The following LUZP2 variants were observed in gnomAD, a reference collection of about 807,000 sequenced individuals.
LUZP2 encodes the protein leucine zipper protein 2.
LUZP2 carries 52 observed loss-of-function variants against 51.6 expected under a neutral mutation model. The ratio of observed to expected loss-of-function variants is 1.01; its 90% confidence interval spans 0.81 to 1.27. The LOEUF (loss-of-function observed/expected upper bound fraction) is 1.27, where lower values mean the gene tolerates loss of function less well. LUZP2 is among the 50% of genes most tolerant of loss of function. The pLI, the probability that LUZP2 is intolerant of heterozygous loss-of-function variation, is 0.00. For missense variants in LUZP2, 436 were observed against 395.4 expected (o/e 1.10, Z -0.87); for synonymous variants, 154 against 137.3 (o/e 1.12, Z -0.85).
At chr11:24,588,020 A>C (rs1170391225) in intron 1 of LUZP2, among the ~76,000 whole-genome samples, 1 of 152,144 alleles carries the variant, frequency 6.6e-6, no homozygotes. Flanking sequence ...GAAACACAGA[A>C]AACTTGAGTA....
intron 4 of LUZP2, among the ~76,000 whole-genome samples, chr11:24,739,603 T>C (rs1253796830): frequency 6.6e-6 from 1 of 152,104 alleles, no homozygotes; most frequent in Non-Finnish European, 1.5e-5. Flanking sequence ...TGGTGAAGCC[T>C]AAATCTCCAT....
chr11:24,698,902 A>T (rs747137035), intron 1 of LUZP2, among the ~76,000 whole-genome samples: 2 of 152,080 alleles, frequency 1.3e-5, no homozygotes, highest in Non-Finnish European at 2.9e-5. Flanking sequence ...CAAAAAAAAT[A>T]TAAAAATTAG....
chr11:25,063,771 A>G lies in LUZP2; in HGVS notation c.859-13558A>G, dbSNP rs1414447802. Reference sequence around the variant, plus strand: ...GAGTGGTCCACAATGATAAAAATACATATGATTTATTGAACATGTAATGTG... The same window carrying G: ...GAGTGGTCCACAATGATAAAAATACGTATGATTTATTGAACATGTAATGTG... On this transcript the variant is annotated intron_variant, in intron 10 of 11. Coordinates refer to ENST00000336930, the MANE Select transcript of LUZP2 (RefSeq NM_001009909.4). Among the ~76,000 whole-genome samples the G allele has an allele frequency of 2.6e-5, 4 of 151,966 alleles. 1 individual carries two copies. The highest frequency in any genetic ancestry group is 1.9e-4 in the East Asian group (1 of 5,188).
At chr11:24,919,759 A>G (rs971035300) in intron 7 of LUZP2, among the ~76,000 whole-genome samples, 22 of 150,508 alleles carry the variant, frequency 1.5e-4, no homozygotes, top group African/African-American at 4.1e-4. Flanking sequence ...TTATCTAACT[A>G]TCAAGTAGTT....
At chr11:24,603,573 T>A (rs1243457732) in intron 1 of LUZP2, among the ~76,000 whole-genome samples, 1 of 151,818 alleles carries the variant, frequency 6.6e-6, no homozygotes, top group East Asian at 1.9e-4. Flanking sequence ...TTTTATAAAA[T>A]GGTACAGATA....
At chr11:24,709,963 C>T (rs1401775379) in intron 1 of LUZP2, among the ~76,000 whole-genome samples, 4 of 152,112 alleles carry the variant, frequency 2.6e-5, no homozygotes, top group Non-Finnish European at 5.9e-5. Context: ...TAAACATGAA[C>T]CAGGATTCAA....
At chr11:24,973,279 T>C (rs1033589050) in intron 7 of LUZP2, among the ~76,000 whole-genome samples, 2 of 151,060 alleles carry the variant, frequency 1.3e-5, no homozygotes, top group Admixed American at 6.6e-5. Flanking sequence ...TGGAAGTCAG[T>C]GATGGTATCT....
intron 5 of LUZP2, among the ~76,000 whole-genome samples, chr11:24,815,299 G>A (rs985112508): frequency 6.6e-6 from 1 of 152,068 alleles, no homozygotes; most frequent in Admixed American, 6.6e-5. Flanking sequence ...ATTCTTATAT[G>A]CAATATTGAT....
intron 5 of LUZP2, among the ~76,000 whole-genome samples, chr11:24,776,240 G>A (rs1465259032): frequency 6.6e-6 from 1 of 152,150 alleles, no homozygotes; most frequent in Non-Finnish European, 1.5e-5. Context: ...TAACAACTGT[G>A]CAATTCATAT....
chr11:24,967,414 A>G (rs1445061529), intron 7 of LUZP2, among the ~76,000 whole-genome samples: 1 of 151,938 alleles, frequency 6.6e-6, no homozygotes, highest in South Asian at 2.1e-4. Context: ...TTTCAACACA[A>G]ATGTTTTTAA....
At chr11:24,821,654 G>A (rs557875806) in intron 5 of LUZP2, among the ~76,000 whole-genome samples, 1 of 151,898 alleles carries the variant, frequency 6.6e-6, no homozygotes, top group Non-Finnish European at 1.5e-5. Context: ...GGCCTCCTTG[G>A]GGGTAAAATT....
At chr11:24,728,991 T>G in intron 1 of LUZP2, 178 bp from the exon 2 acceptor site, 1 of 388,646 alleles carries the variant, frequency 2.6e-6, no homozygotes, top group Non-Finnish European at 4.7e-6. Flanking sequence ...ATGAAACTTT[T>G]GTTATAAAAT....
At chr11:24,848,585 T>C (rs1851280070) in intron 5 of LUZP2, among the ~76,000 whole-genome samples, 1 of 152,114 alleles carries the variant, frequency 6.6e-6, no homozygotes, top group Non-Finnish European at 1.5e-5. Flanking sequence ...GTTTCTCTTT[T>C]GCTTTGCTGC....
chr11:24,902,995 C>T (rs547328099), intron 5 of LUZP2, among the ~76,000 whole-genome samples: 54 of 152,102 alleles, frequency 3.6e-4, no homozygotes, highest in African/African-American at 1.1e-3. Context: ...CTTTTAAATA[C>T]GCTGTTTATT....
chr11:24,511,276 A>C (rs983415791), intron 1 of LUZP2, among the ~76,000 whole-genome samples: 6 of 152,180 alleles, frequency 3.9e-5, no homozygotes, highest in African/African-American at 1.4e-4. Flanking sequence ...AACTTACGTG[A>C]AATGATGTGT....
chr11:24,527,300 T>C (rs1850836791), intron 1 of LUZP2, among the ~76,000 whole-genome samples: 2 of 151,376 alleles, frequency 1.3e-5, no homozygotes, highest in African/African-American at 4.8e-5. Flanking sequence ...ATTATCTCCA[T>C]AAATATACAG....
chr11:24,922,825 CTTTTTTTTTTTCT>C (rs201915815), intron 7 of LUZP2, among the ~76,000 whole-genome samples: 2,121 of 44,326 alleles, frequency 0.048, 237 homozygotes, highest in African/African-American at 0.088. Flanking sequence ...ACAGTTATAT[CTTTTTTTTTTTCT>C]TTTTTTTTTT....
chr11:24,820,847 G>A (rs1850337119), intron 5 of LUZP2, among the ~76,000 whole-genome samples: 1 of 152,132 alleles, frequency 6.6e-6, no homozygotes, highest in African/African-American at 2.4e-5. Context: ...ACTTAGACAA[G>A]TCTCCTCTTC....
chr11:25,039,847 A>G (rs904261700), intron 9 of LUZP2, among the ~76,000 whole-genome samples: 6 of 152,220 alleles, frequency 3.9e-5, no homozygotes, highest in African/African-American at 1.2e-4. Context: ...TAGAGCAAGG[A>G]CAAGTATTGT....
Sources: gnomAD v4.1 joint callset for allele counts (sites outside exome capture counted in the v4.1 genomes callset) on GRCh38, gnomAD v4.1.1 for gene constraint, MANE v1.5 for transcripts, NCBI Gene and HGNC (gene_info 2026-07-23, HGNC 2026-07-21) for gene names.